The following EIPR1 variants were observed in gnomAD, a reference collection of about 807,000 sequenced individuals.
EIPR1 encodes EARP and GARP complex-interacting protein 1.
Under a neutral mutation model 48.1 loss-of-function variants are expected in EIPR1, and 25 were observed. The ratio of observed to expected loss-of-function variants is 0.52; its 90% CI spans 0.38 to 0.73. EIPR1 has a LOEUF of 0.73. Ranked by LOEUF, EIPR1 falls within the 30% of genes least tolerant of loss-of-function variation. The pLI is 0.00. For synonymous variants in EIPR1, 204 were observed against 201.9 expected (o/e 1.01, Z -0.09); for missense variants, 415 against 506.2 (o/e 0.82, Z 1.73).
chr2:3,269,752 C>A (rs1030018420), intron 3 of EIPR1, among the ~76,000 whole-genome samples: 4 of 152,218 alleles, frequency 2.6e-5, no homozygotes, highest in Admixed American at 6.5e-5. Flanking sequence ...TCAGTCATTG[C>A]GTGGAAATCT....
chr2:3,257,187 A>C lies in EIPR1; in HGVS notation c.416+112T>G, dbSNP rs1667183516. The stretch of plus-strand genomic sequence containing the variant: ...AAATTCTCGCAGCTTTTTAAAAGAA[A>C]GGAGCGTTTCCGAGGTGTGGACGGT... On this transcript the variant is annotated intron_variant, in intron 4 of 8. Coordinates refer to ENST00000382125, the MANE Select transcript of EIPR1 (RefSeq NM_003310.5). 2 of 1,197,424 alleles carry C rather than the reference A, an allele frequency of 1.7e-6. 1 individual carries two copies. Among genetic ancestry groups the C allele is most frequent in the South Asian group, 4.0e-5 (2 of 50,370 alleles). 74.2% of individuals were successfully genotyped at this position (1,197,424 alleles called of 1,614,324 possible).
Position 3,214,356 on chromosome 2 carries a change from C to A in EIPR1, c.417-108G>T, listed in dbSNP as rs147275730. 2.4e-4 allele frequency: 236 copies of A among 981,372 alleles called. 2 individuals carry two copies. In the East Asian group the frequency reaches 4.7e-3, roughly 20 times the overall value. 60.8% of individuals were successfully genotyped at this position (981,372 alleles called of 1,614,324 possible). A position where few individuals can be genotyped will look rare whatever the true frequency, so the allele number is the denominator to read the frequency against. ...TCATGACGCAGGAAATCTTTTCCGG[C>A]CTGTAGTCACTAGAGTATTTTTTAC... On this transcript the variant is annotated intron_variant, in intron 4 of 8. Coordinates refer to ENST00000382125, the MANE Select transcript of EIPR1 (RefSeq NM_003310.5).
chr2:3,215,201 G>A (rs1012312942), intron 4 of EIPR1, among the ~76,000 whole-genome samples: 6 of 152,234 alleles, frequency 3.9e-5, no homozygotes, highest in Admixed American at 1.3e-4. Flanking sequence ...CCAATGAGAC[G>A]TGAGGGAGGC....
intron 3 of EIPR1, among the ~76,000 whole-genome samples, chr2:3,257,993 C>T (rs1667215970): frequency 6.6e-6 from 1 of 152,222 alleles, no homozygotes; most frequent in Non-Finnish European, 1.5e-5. Flanking sequence ...CATTCAGAGG[C>T]ATCGCATGCT....
In EIPR1 at chr2:3,363,246, AG is replaced by A. The variant is rs1670893580; in HGVS notation, c.43-8614del. ...CAGGTGCCAAACAAAGGCACTACAAAGGGAGACGGGCAGGGAAGAAAAACAA... is the reference window on the plus strand; with the variant it reads ...CAGGTGCCAAACAAAGGCACTACAAAGGAGACGGGCAGGGAAGAAAAACAA... On this transcript the variant is annotated intron_variant, in intron 1 of 8. Transcript: ENST00000382125. 2.0e-5 allele frequency among the ~76,000 whole-genome samples: 3 copies of A among 152,348 alleles called. No homozygotes were observed. The South Asian group carries it at 6.2e-4, about 32-fold the overall frequency.
At chr2:3,374,120 C>A (rs1039582048) in intron 1 of EIPR1, among the ~76,000 whole-genome samples, 8 of 149,142 alleles carry the variant, frequency 5.4e-5, no homozygotes, top group Admixed American at 1.3e-4. Context: ...CAAAAACAAG[C>A]AATGGGGAAA....
At chr2:3,217,347 G>A (rs956001570) in intron 4 of EIPR1, among the ~76,000 whole-genome samples, 5 of 152,152 alleles carry the variant, frequency 3.3e-5, no homozygotes, top group Admixed American at 2.0e-4. Flanking sequence ...GGGTTTACCC[G>A]CAGTAAGCTC....
chr2:3,209,636 C>G (rs1254362813), intron 5 of EIPR1, among the ~76,000 whole-genome samples: 1 of 152,212 alleles, frequency 6.6e-6, no homozygotes, highest in African/African-American at 2.4e-5. Flanking sequence ...GACCAACAAA[C>G]TGAACTTCAT....
At chr2:3,288,901 C>T (rs1300653384) in intron 3 of EIPR1, among the ~76,000 whole-genome samples, 2 of 152,226 alleles carry the variant, frequency 1.3e-5, no homozygotes, top group African/African-American at 2.4e-5. Context: ...CGGCAACGCC[C>T]ACAGGCCCCA....
At position 3,293,895 on chromosome 2, in the gene EIPR1, A is replaced by T. The variant is rs1365217763; in HGVS notation, c.260-36440T>A. 3.9e-5 allele frequency among the ~76,000 whole-genome samples: 6 copies of T among 152,308 alleles called. 1 individual carries two copies. The South Asian group carries it at 1.2e-3, about 32-fold the overall frequency. On this transcript the variant is annotated intron_variant, in intron 3 of 8. Coordinates refer to ENST00000382125, the MANE Select transcript of EIPR1 (RefSeq NM_003310.5). ...TTCTGTGAAGCTACAGAAACCACAC[A>T]TTATTCAAAAAGAAAGATTTTTCTT...
chr2:3,322,043 C>T (rs528233749), intron 3 of EIPR1, among the ~76,000 whole-genome samples: 1 of 152,206 alleles, frequency 6.6e-6, no homozygotes, highest in Admixed American at 6.5e-5. Context: ...CCTCACTTCA[C>T]GGGAAGATGT....
chr2:3,241,960 T>C (rs916140434), intron 4 of EIPR1, among the ~76,000 whole-genome samples: 4 of 152,120 alleles, frequency 2.6e-5, no homozygotes, highest in Non-Finnish European at 5.9e-5. Flanking sequence ...CACCAAGAAA[T>C]TCTCAGAACA....
intron 3 of EIPR1, among the ~76,000 whole-genome samples, chr2:3,272,689 T>C (rs1667734149): frequency 6.6e-6 from 1 of 152,110 alleles, no homozygotes; most frequent in Non-Finnish European, 1.5e-5. Flanking sequence ...ATAACAGATA[T>C]AATAATGATG....
chr2:3,203,917 C>G (rs1468567486), intron 5 of EIPR1, among the ~76,000 whole-genome samples: 1 of 152,236 alleles, frequency 6.6e-6, no homozygotes, highest in African/African-American at 2.4e-5. Context: ...GCAAGCCCAG[C>G]CCCACTGACC....
At chr2:3,300,287 C>T (rs1023839458) in intron 3 of EIPR1, among the ~76,000 whole-genome samples, 2 of 152,212 alleles carry the variant, frequency 1.3e-5, no homozygotes, top group Non-Finnish European at 2.9e-5. Context: ...TCCCCTGTAA[C>T]ACATGTACTC....
chr2:3,336,136 G>A (rs1046077916), intron 3 of EIPR1, among the ~76,000 whole-genome samples: 2 of 152,178 alleles, frequency 1.3e-5, no homozygotes, highest in Admixed American at 1.3e-4. Context: ...GGAGGGTGAA[G>A]GGTCAAGGAT....
chr2:3,324,218 GC>G (rs1480528590), intron 3 of EIPR1, among the ~76,000 whole-genome samples: 4 of 152,168 alleles, frequency 2.6e-5, no homozygotes, highest in Non-Finnish European at 5.9e-5. Context: ...CACTGTGAAA[GC>G]CAGAGCAGGT....
chr2:3,352,732 C>T (rs934043150), intron 2 of EIPR1, among the ~76,000 whole-genome samples: 15 of 152,390 alleles, frequency 9.8e-5, no homozygotes, highest in African/African-American at 3.6e-4. Flanking sequence ...CGCAGTGGCT[C>T]ACGCCTGTAA....
intron 4 of EIPR1, among the ~76,000 whole-genome samples, chr2:3,217,111 A>C (rs561746839): frequency 6.6e-6 from 1 of 152,360 alleles, no homozygotes; most frequent in East Asian, 1.9e-4. Flanking sequence ...GGTGGCTCTA[A>C]ACAGAAATGC....
Sources: gnomAD v4.1 joint callset for allele counts (sites outside exome capture counted in the v4.1 genomes callset) on GRCh38, gnomAD v4.1.1 for gene constraint, MANE v1.5 for transcripts, NCBI Gene and HGNC (gene_info 2026-07-23, HGNC 2026-07-21) for gene names.